MEGF11: variants seen among roughly 807,000 people sequenced by gnomAD.
MEGF11 encodes the protein multiple EGF like domains 11.
MEGF11 carries 126 observed loss-of-function variants against 146.6 expected under a neutral mutation model. The ratio of observed to expected loss-of-function variants is 0.86; its 90% CI spans 0.74 to 1.00. The LOEUF (loss-of-function observed/expected upper bound fraction) is 1.00, where lower values mean the gene tolerates loss of function less well. Ranked by LOEUF, MEGF11 falls within the 50% of genes least tolerant of loss-of-function variation. MEGF11 has a pLI of 0.00. For missense variants in MEGF11, 1,509 were observed against 1,521.2 expected, an observed-to-expected ratio of 0.99 and a Z score of 0.13; for synonymous variants, 532 against 583.4, an observed-to-expected ratio of 0.91 and a Z score of 1.27.
rs558327512 is a variant in MEGF11, at chr15:65,983,111, C to G, written c.395-623G>C. The stretch of plus-strand genomic sequence containing the variant: ...TCCATCTCCCTGTCACCCTTTTCAT[C>G]TCTTCCTCATGCTTCTTCCTTTCAG... On this transcript the variant is annotated intron_variant, in intron 5 of 25. Coordinates refer to ENST00000395614, the MANE Select transcript of MEGF11 (RefSeq NM_001385028.1). Among the ~76,000 whole-genome samples the G allele has an allele frequency of 2.6e-5, 4 of 152,288 alleles. No individual in the cohort carries two copies. In the South Asian group the frequency reaches 8.3e-4, roughly 32 times the overall value.
chr15:66,121,011 A>G (rs560790583), intron 3 of MEGF11, among the ~76,000 whole-genome samples: 2 of 152,326 alleles, frequency 1.3e-5, no homozygotes, highest in Admixed American at 1.3e-4. Flanking sequence ...CTGGGTTAAA[A>G]CATGCCATTC....
chr15:66,184,059 T>C (rs957518388), intron 1 of MEGF11, among the ~76,000 whole-genome samples: 21 of 152,194 alleles, frequency 1.4e-4, no homozygotes, highest in African/African-American at 4.8e-4. Flanking sequence ...GGCAGATCAG[T>C]GGGTGCCTGG....
intron 4 of MEGF11, among the ~76,000 whole-genome samples, chr15:66,099,439 C>G (rs2086694769): frequency 6.6e-6 from 1 of 152,150 alleles, no homozygotes; most frequent in African/African-American, 2.4e-5. Flanking sequence ...CCCACCTCAG[C>G]CTCCCAAAGT....
At position 65,999,201 on chromosome 15, in the gene MEGF11, T is replaced by C. The variant is rs534297240; in HGVS notation, c.395-16713A>G. Among the ~76,000 whole-genome samples, 7 of 152,186 alleles carry C rather than the reference T, an allele frequency of 4.6e-5. No homozygotes were observed. In the South Asian group the frequency reaches 6.3e-4, roughly 14 times the overall value. On this transcript the variant is annotated intron_variant, in intron 5 of 25. Transcript: ENST00000395614. ...CACATACCACCATGACCGGCTATTT[T>C]TTTTTAATTGTAGAGATGGGGTCTC...
At chr15:66,131,283 G>A (rs1287545370) in intron 1 of MEGF11, among the ~76,000 whole-genome samples, 1 of 152,262 alleles carries the variant, frequency 6.6e-6, no homozygotes, top group Non-Finnish European at 1.5e-5. Context: ...ATGGGCCATG[G>A]CCCAAACTGA....
At chr15:66,189,519 G>C (rs1376525417) in intron 1 of MEGF11, among the ~76,000 whole-genome samples, 1 of 152,098 alleles carries the variant, frequency 6.6e-6, no homozygotes, top group Non-Finnish European at 1.5e-5. Context: ...CCCAGGCCTG[G>C]AGCCCTGCAA....
At chr15:66,125,006 G>A (rs570528431) in intron 2 of MEGF11, among the ~76,000 whole-genome samples, 57 of 152,384 alleles carry the variant, frequency 3.7e-4, no homozygotes, top group Non-Finnish European at 7.2e-4. Flanking sequence ...TGTAAAGCAC[G>A]TCTGCCTTGC....
intron 8 of MEGF11, among the ~76,000 whole-genome samples, chr15:65,969,842 G>T (rs1235852178): frequency 1.3e-5 from 2 of 152,036 alleles, no homozygotes; most frequent in Non-Finnish European, 2.9e-5. Flanking sequence ...AGATCCATGT[G>T]GTCAAGAGTG....
intron 5 of MEGF11, among the ~76,000 whole-genome samples, chr15:66,016,875 A>C (rs957998602): frequency 6.6e-6 from 1 of 152,186 alleles, no homozygotes; most frequent in Non-Finnish European, 1.5e-5. Context: ...AGAGACAGGA[A>C]GTTTTCCCAA....
intron 1 of MEGF11, among the ~76,000 whole-genome samples, chr15:66,159,775 G>A (rs1170509646): frequency 6.6e-6 from 1 of 152,140 alleles, no homozygotes; most frequent in Non-Finnish European, 1.5e-5. Context: ...CTGGGAGAGA[G>A]CCCTGGTGGG....
At chr15:65,946,842 A>C (rs182122176) in intron 10 of MEGF11, among the ~76,000 whole-genome samples, 1 of 152,046 alleles carries the variant, frequency 6.6e-6, no homozygotes, top group Non-Finnish European at 1.5e-5. Context: ...CTTGGCATGC[A>C]GGGCCCACCT....
chr15:65,912,188 C>T lies in MEGF11; in HGVS notation c.2723G>A (p.Ser908Asn). The T allele has an allele frequency of 8.1e-7, 1 of 1,232,376 alleles. No individual in the cohort carries two copies. The highest frequency in any genetic ancestry group is 4.1e-5 in the South Asian group (1 of 24,314). The allele number at this position is 1,232,376 out of a possible 1,614,324, so 76.3% of individuals were successfully genotyped here. A position where few individuals can be genotyped will look rare whatever the true frequency, so the allele number is the denominator to read the frequency against. ...GGAAAAGCAGTGGGCATGGCTGCTA[C>T]TTTGAGACAAATCTGGGAAGAGAAC... ...TDYSLSDLSQSSSHAHCFSNS... is the reference protein window; with the variant it reads ...TDYSLSDLSQNSSHAHCFSNS... The change falls in exon 21 of 26, where the codon AGT becomes AAT. Residue 908 changes from serine (S) to asparagine (N), a missense_variant. Coordinates refer to ENST00000395614, the MANE Select transcript of MEGF11 (RefSeq NM_001385028.1).
intron 1 of MEGF11, among the ~76,000 whole-genome samples, chr15:66,182,170 C>G (rs998144469): frequency 1.3e-5 from 2 of 152,168 alleles, no homozygotes; most frequent in Non-Finnish European, 2.9e-5. Flanking sequence ...TTTTGATGAT[C>G]TCGGGACCAA....
chr15:66,198,546 C>T (rs577674757), intron 1 of MEGF11, among the ~76,000 whole-genome samples: 6 of 152,238 alleles, frequency 3.9e-5, no homozygotes, highest in East Asian at 3.9e-4. Context: ...AGTGCAGTGG[C>T]GCAATCTCAG....
At chr15:65,952,778 G>A (rs943122274) in intron 10 of MEGF11, among the ~76,000 whole-genome samples, 3 of 152,244 alleles carry the variant, frequency 2.0e-5, no homozygotes, top group African/African-American at 4.8e-5. Context: ...AGTTAGCAGA[G>A]CTAAAGCTAC....
intron 5 of MEGF11, among the ~76,000 whole-genome samples, chr15:66,078,767 G>A (rs1179372151): frequency 2.0e-5 from 3 of 152,186 alleles, no homozygotes; most frequent in Non-Finnish European, 1.5e-5. Flanking sequence ...CTGGGCTCCC[G>A]CCACTCTATT....
At chr15:66,209,383 G>A (rs768653582) in intron 1 of MEGF11, among the ~76,000 whole-genome samples, 7 of 151,818 alleles carry the variant, frequency 4.6e-5, no homozygotes, top group Non-Finnish European at 1.0e-4. Context: ...AAACACGCAA[G>A]TACCATATGA....
At chr15:65,997,975 C>A (rs1477037482) in intron 5 of MEGF11, among the ~76,000 whole-genome samples, 1 of 151,370 alleles carries the variant, frequency 6.6e-6, no homozygotes, top group Non-Finnish European at 1.5e-5. Context: ...AAGAAAGGGC[C>A]CGGGCAGATG....
rs1299739172 is a variant in MEGF11 at position 65,897,708 on chromosome 15, T to G, written c.*226A>C. 1 of 400,532 alleles carries G rather than the reference T, an allele frequency of 2.5e-6. No individual in the cohort carries two copies. The highest frequency in any genetic ancestry group is 4.4e-6 in the Non-Finnish European group (1 of 226,588). The allele number at this position is 400,532 out of a possible 1,614,324, so 24.8% of individuals were successfully genotyped here. A position where few individuals can be genotyped will look rare whatever the true frequency, so the allele number is the denominator to read the frequency against. On this transcript the variant is annotated 3_prime_UTR_variant, in exon 26 of 26. Coordinates refer to ENST00000395614, the MANE Select transcript of MEGF11 (RefSeq NM_001385028.1). Reference sequence around the variant, plus strand: ...TTAAAATGTTTTAAAAATCATATAATCCAGGGCATTTGGGGCTGAGTGGGT... The same window carrying G: ...TTAAAATGTTTTAAAAATCATATAAGCCAGGGCATTTGGGGCTGAGTGGGT...
Sources: allele counts gnomAD v4.1 joint callset (sites outside exome capture counted in the v4.1 genomes callset), GRCh38; gene constraint gnomAD v4.1.1; transcripts MANE v1.5; gene names NCBI Gene and HGNC (gene_info 2026-07-23, HGNC 2026-07-21).